Variants in DDX31 observed in about 807,000 individuals in gnomAD.
The protein encoded by DDX31 is ATP-dependent DNA helicase DDX31.
DDX31 carries 70 observed loss-of-function variants against 91.3 expected under a neutral mutation model. The ratio of observed to expected loss-of-function variants is 0.77; its 90% CI spans 0.63 to 0.94. The LOEUF is 0.94. Among genes scored for constraint, DDX31 ranks in the 40% least tolerant of loss-of-function variants. The pLI is 0.00. For missense variants in DDX31, 902 were observed against 925.0 expected (o/e 0.98, Z 0.32); for synonymous variants, 362 against 350.6 (o/e 1.03, Z -0.36).
intron 18 of DDX31, among the ~76,000 whole-genome samples, chr9:132,614,669 C>T (rs1831532260): frequency 6.6e-6 from 1 of 152,154 alleles, no homozygotes; most frequent in South Asian, 2.1e-4. Context: ...CTCTTCCTCT[C>T]CTCCTCTCCA....
intron 18 of DDX31, among the ~76,000 whole-genome samples, chr9:132,616,520 A>G (rs1463007613): frequency 6.6e-6 from 1 of 152,238 alleles, no homozygotes. Context: ...CGAAGGTGAC[A>G]GTGTGGGTTT....
chr9:132,651,519 A>C (rs1254388200), intron 7 of DDX31, among the ~76,000 whole-genome samples: 1 of 152,236 alleles, frequency 6.6e-6, no homozygotes, highest in Non-Finnish European at 1.5e-5. Flanking sequence ...ATAGTGACGC[A>C]ACAGGGTAGC....
chr9:132,612,024 C>T lies in DDX31; in HGVS notation c.1994+63G>A, dbSNP rs550221533. ...GAGTTGCGGTGAGCATGGCAGCTAG[C>T]ACATCACATCATGTGAACGGAGCTC... On this transcript the variant is annotated intron_variant, in intron 19 of 19. Coordinates refer to ENST00000372159, the MANE Select transcript of DDX31 (RefSeq NM_022779.9). 8 of 1,560,552 alleles carry T rather than the reference C, an allele frequency of 5.1e-6. No homozygotes were observed. In the East Asian group the frequency reaches 1.6e-4, roughly 31 times the overall value.
At chr9:132,622,426 T>C (rs1376612858) in intron 17 of DDX31, among the ~76,000 whole-genome samples, 1 of 152,146 alleles carries the variant, frequency 6.6e-6, no homozygotes, top group African/African-American at 2.4e-5. Context: ...AAAAAACGAC[T>C]GTAGCTTGTT....
chr9:132,629,369 T>G (rs1422577600), intron 16 of DDX31, among the ~76,000 whole-genome samples: 1 of 152,240 alleles, frequency 6.6e-6, no homozygotes, highest in African/African-American at 2.4e-5. Flanking sequence ...TGAATGAGCC[T>G]CAGTCCGTAA....
intron 11 of DDX31, among the ~76,000 whole-genome samples, chr9:132,647,295 A>G (rs1457927648): frequency 6.6e-6 from 1 of 152,160 alleles, no homozygotes; most frequent in African/African-American, 2.4e-5. Flanking sequence ...ACAGCGTCCA[A>G]AAGATAGCAA....
chr9:132,618,951 G>C (rs1480008044), intron 17 of DDX31, among the ~76,000 whole-genome samples: 2 of 152,178 alleles, frequency 1.3e-5, no homozygotes, highest in African/African-American at 4.8e-5. Flanking sequence ...TCAGTGCCTA[G>C]AGCGGTTCAG....
chr9:132,609,097 A>G (rs574065448), intron 19 of DDX31, among the ~76,000 whole-genome samples: 3 of 152,144 alleles, frequency 2.0e-5, no homozygotes, highest in Non-Finnish European at 4.4e-5. Flanking sequence ...AATGCCTTCA[A>G]AAGAAGGGCA....
chr9:132,636,318 A>T (rs1035012454), intron 14 of DDX31, among the ~76,000 whole-genome samples: 8 of 152,276 alleles, frequency 5.3e-5, no homozygotes, highest in Middle Eastern at 3.4e-3. Context: ...TACACCAACT[A>T]CAGTTTATGT....
chr9:132,609,275 A>G (rs1275397556), intron 19 of DDX31, among the ~76,000 whole-genome samples: 1 of 152,136 alleles, frequency 6.6e-6, no homozygotes, highest in Admixed American at 6.5e-5. Context: ...CATGCTCTTT[A>G]TCAGCTAATC....
chr9:132,598,590 C>T lies in DDX31; in HGVS notation c.1995-3478G>A, dbSNP rs78393713. On this transcript the variant is annotated intron_variant, in intron 19 of 19. Coordinates refer to ENST00000372159, the MANE Select transcript of DDX31 (RefSeq NM_022779.9). ...ATTAGTAAATCAATATACCCCGTTA[C>T]AATGACCACTGGAGAAGAGAGATCG... is the stretch of plus-strand genomic sequence containing the variant. Among the ~76,000 whole-genome samples, 417 of 152,356 alleles carry T rather than the reference C, an allele frequency of 2.7e-3. 2 individuals are homozygous for T. Among genetic ancestry groups the T allele is most frequent in the African/African-American group, 9.7e-3 (404 of 41,580 alleles).
At chr9:132,650,955 G>A in intron 8 of DDX31, 120 bp downstream of exon 8, 1 of 1,018,312 alleles carries the variant, frequency 9.8e-7, no homozygotes, top group Admixed American at 2.3e-5. Flanking sequence ...AGAGAGCAGA[G>A]ATATCCAGGC....
In DDX31 at chr9:132,595,127, C is replaced by T. The variant is rs756521244; in HGVS notation, c.1995-15G>A. The T allele has an allele frequency of 5.4e-5, 86 of 1,600,996 alleles. No individual in the cohort carries two copies. Among genetic ancestry groups the T allele is most frequent in the Non-Finnish European group, 7.3e-5 (85 of 1,171,804 alleles). ...GAAGGTCAGGCCTGAAGAACAGTAA[C>T]AGCAGAGAGGGAAAAGAAACTTTAT... On this transcript the variant is annotated splice_polypyrimidine_tract_variant and intron_variant, in intron 19 of 19. Transcript: ENST00000372159. The surrounding 1 kb of genome is among the most constrained non-coding windows in gnomAD (Gnocchi z 4.6).
chr9:132,626,933 G>A (rs1289475300), intron 16 of DDX31, among the ~76,000 whole-genome samples: 2 of 152,066 alleles, frequency 1.3e-5, no homozygotes, highest in Non-Finnish European at 2.9e-5. Flanking sequence ...AAGGGCAGGA[G>A]TCAGAGGGAG....
chr9:132,642,093 C>T, intron 13 of DDX31, 30 bp from the exon 14 acceptor site: 1 of 1,608,234 alleles, frequency 6.2e-7, no homozygotes, highest in Non-Finnish European at 8.5e-7. Flanking sequence ...TAGAGCCTTA[C>T]AACTCAGAGA....
intron 1 of DDX31, among the ~76,000 whole-genome samples, chr9:132,663,706 G>C (rs1055654084): frequency 1.3e-5 from 2 of 152,156 alleles, no homozygotes; most frequent in Non-Finnish European, 2.9e-5. Context: ...AGCCATGACT[G>C]TCAGCTTCAG....
At chr9:132,637,586 G>A (rs1183877966) in intron 14 of DDX31, among the ~76,000 whole-genome samples, 1 of 152,142 alleles carries the variant, frequency 6.6e-6, no homozygotes, top group East Asian at 1.9e-4. Context: ...ACGCCTTCCC[G>A]GCCTGCCAAA....
intron 1 of DDX31, among the ~76,000 whole-genome samples, chr9:132,666,639 A>G (rs1835326611): frequency 6.6e-6 from 1 of 151,906 alleles, no homozygotes; most frequent in Admixed American, 6.6e-5. Flanking sequence ...CTCGTGCCTC[A>G]GCCTCCCGAG....
intron 3 of DDX31, 112 bp downstream of exon 3, chr9:132,662,149 G>A: frequency 9.6e-7 from 1 of 1,045,322 alleles, no homozygotes; most frequent in Non-Finnish European, 1.4e-6. Context: ...GTAACTTAGA[G>A]CAGAAACAAA....
Sources: gnomAD v4.1 joint callset for allele counts (sites outside exome capture counted in the v4.1 genomes callset) on GRCh38, gnomAD v4.1.1 for gene constraint, Gnocchi (gnomAD v3.1) non-coding constraint, MANE v1.5 for transcripts, NCBI Gene and HGNC (gene_info 2026-07-23, HGNC 2026-07-21) for gene names.